Variants in APBB2 observed in about 807,000 individuals in gnomAD.
The protein encoded by APBB2 is amyloid beta precursor protein binding family B member 2.
Under a neutral mutation model 82.5 loss-of-function variants are expected in APBB2, and 38 were observed. That is an observed-to-expected ratio of 0.46 (90% CI 0.36 to 0.60). The LOEUF (loss-of-function observed/expected upper bound fraction) is 0.60. Ranked by LOEUF, APBB2 falls within the 20% of genes least tolerant of loss-of-function variation. The probability of loss-of-function intolerance (pLI) is 0.00; values close to 1 mark genes in which losing one functional copy is unlikely to be tolerated. For missense variants in APBB2, 772 were observed against 972.3 expected (o/e 0.79, Z 2.74); for synonymous variants, 341 against 368.2 (o/e 0.93, Z 0.85).
intron 12 of APBB2, among the ~76,000 whole-genome samples, chr4:40,873,830 G>T (rs1037411014): frequency 6.6e-6 from 1 of 152,100 alleles, no homozygotes; most frequent in Admixed American, 6.5e-5. Flanking sequence ...GAAAAAACCC[G>T]CAAAATACTC....
intron 4 of APBB2, among the ~76,000 whole-genome samples, chr4:41,060,288 C>G (rs1355796554): frequency 6.6e-6 from 1 of 152,164 alleles, no homozygotes; most frequent in Non-Finnish European, 1.5e-5. Flanking sequence ...TAAAGAGAAC[C>G]ATGTGTGTTG....
intron 12 of APBB2, among the ~76,000 whole-genome samples, chr4:40,888,225 T>C (rs1192434849): frequency 6.6e-6 from 1 of 152,252 alleles, no homozygotes; most frequent in Non-Finnish European, 1.5e-5. Flanking sequence ...GTGGTCCTTA[T>C]TATGATCCTC....
At chr4:41,101,470 CAAAAAAAA>C (rs150527764) in intron 2 of APBB2, among the ~76,000 whole-genome samples, 9 of 72,522 alleles carry the variant, frequency 1.2e-4, no homozygotes, top group South Asian at 8.1e-4. Context: ...GACTCCGTCT[CAAAAAAAA>C]AAAAAAAAAA....
chr4:41,029,595 C>G (rs947854067), intron 5 of APBB2, among the ~76,000 whole-genome samples: 1 of 152,172 alleles, frequency 6.6e-6, no homozygotes, highest in Non-Finnish European at 1.5e-5. Flanking sequence ...GTATCACATA[C>G]TTTTTAATAA....
At chr4:41,032,022 T>C (rs1419341321) in intron 5 of APBB2, among the ~76,000 whole-genome samples, 1 of 152,226 alleles carries the variant, frequency 6.6e-6, no homozygotes, top group East Asian at 1.9e-4. Flanking sequence ...AGTTTTTGGC[T>C]GTTTTTTATA....
At chr4:40,867,618 G>A (rs950495429) in intron 12 of APBB2, among the ~76,000 whole-genome samples, 7 of 152,058 alleles carry the variant, frequency 4.6e-5, no homozygotes, top group Middle Eastern at 3.2e-3. Context: ...ATTTTCATCC[G>A]CCTAAATTCT....
chr4:40,975,498 C>G (rs1250299082), intron 6 of APBB2, among the ~76,000 whole-genome samples: 1 of 152,126 alleles, frequency 6.6e-6, no homozygotes, highest in African/African-American at 2.4e-5. Flanking sequence ...AGAATTTCAG[C>G]TCCTTGAGGC....
At chr4:41,067,148 G>A (rs548475647) in intron 3 of APBB2, among the ~76,000 whole-genome samples, 46 of 152,312 alleles carry the variant, frequency 3.0e-4, no homozygotes, top group Non-Finnish European at 6.2e-4. Context: ...AGTGGCTCAC[G>A]CCTGTAATCC....
intron 12 of APBB2, among the ~76,000 whole-genome samples, chr4:40,865,213 C>A (rs1440768908): frequency 6.6e-6 from 1 of 152,132 alleles, no homozygotes; most frequent in Non-Finnish European, 1.5e-5. Context: ...GGCTTGCTCT[C>A]CCTGGAAAGC....
At chr4:40,816,292 T>C (rs755936257) in intron 17 of APBB2, 33 bp from the exon 18 acceptor site, 1 of 1,610,676 alleles carries the variant, frequency 6.2e-7, no homozygotes, top group Admixed American at 1.7e-5. Flanking sequence ...TTAAGGTAAT[T>C]AACAACATAT....
At chr4:41,104,191 A>G (rs996533737) in intron 2 of APBB2, among the ~76,000 whole-genome samples, 2 of 152,268 alleles carry the variant, frequency 1.3e-5, no homozygotes, top group African/African-American at 4.8e-5. Context: ...AGTTTTAAAT[A>G]GCAAGTAAGA....
At chr4:41,170,091 T>C (rs906300173) in intron 1 of APBB2, among the ~76,000 whole-genome samples, 5 of 152,204 alleles carry the variant, frequency 3.3e-5, no homozygotes, top group African/African-American at 1.2e-4. Flanking sequence ...TCCCAAGTCT[T>C]ACCAAGATGG....
chr4:41,116,142 G>A (rs975307301), intron 2 of APBB2, among the ~76,000 whole-genome samples: 5 of 152,144 alleles, frequency 3.3e-5, no homozygotes, highest in Admixed American at 3.3e-4. Context: ...ACATAAAAAA[G>A]GATGAGTTCA....
chr4:41,159,907 A>AAGGAGAAGGAGAAGGAGGAGGAGG lies in APBB2; in HGVS notation c.-416-16766_-416-16765insCCTCCTCCTCCTTCTCCTTCTCCT, dbSNP rs1267899128. ...AAAAAAAAAAAGGAAGAAGAAGGAG[A>AAGGAGAAGGAGAAGGAGGAGGAGG]AGGAGGAGGAGGAGGAGGAGGAGGA... On this transcript the variant is annotated intron_variant, in intron 1 of 17. Transcript: ENST00000508593. 1.7e-4 allele frequency among the ~76,000 whole-genome samples: 6 copies of AAGGAGAAGGAGAAGGAGGAGGAGG among 35,612 alleles called. 1 individual carries two copies. Among genetic ancestry groups the AAGGAGAAGGAGAAGGAGGAGGAGG allele is most frequent in the Non-Finnish European group, 2.0e-4 (4 of 20,228 alleles). The allele number at this position is 35,612 out of a possible 152,430, so 23.4% of individuals were successfully genotyped here. A position where few individuals can be genotyped will look rare whatever the true frequency, so the allele number is the denominator to read the frequency against.
At chr4:41,205,920 C>T (rs888845976) in intron 1 of APBB2, among the ~76,000 whole-genome samples, 1 of 152,136 alleles carries the variant, frequency 6.6e-6, no homozygotes, top group Non-Finnish European at 1.5e-5. Flanking sequence ...AATTGCAGAG[C>T]AGCACTGGGA....
intron 4 of APBB2, among the ~76,000 whole-genome samples, chr4:41,049,841 C>T (rs1725287409): frequency 6.6e-6 from 1 of 152,182 alleles, no homozygotes; most frequent in Non-Finnish European, 1.5e-5. Context: ...CTCTCTGAAA[C>T]ATGTGCTATG....
chr4:41,160,148 TC>T (rs749824334), intron 1 of APBB2, among the ~76,000 whole-genome samples: 238 of 152,126 alleles, frequency 1.6e-3, no homozygotes, highest in Non-Finnish European at 2.5e-3. Flanking sequence ...AATGCAGTGA[TC>T]CAGGGCCCAG....
chr4:41,165,268 A>C (rs1469796441), intron 1 of APBB2, among the ~76,000 whole-genome samples: 1 of 152,152 alleles, frequency 6.6e-6, no homozygotes, highest in African/African-American at 2.4e-5. Flanking sequence ...GGATGCTACA[A>C]GGACTATCTT....
At chr4:41,001,890 A>G (rs564518946) in intron 6 of APBB2, among the ~76,000 whole-genome samples, 2 of 150,996 alleles carry the variant, frequency 1.3e-5, no homozygotes, top group Admixed American at 1.3e-4. Context: ...AAAAAAAAAA[A>G]GAAAAAGAAA....
Sources: allele counts gnomAD v4.1 joint callset (sites outside exome capture counted in the v4.1 genomes callset), GRCh38; gene constraint gnomAD v4.1.1; transcripts MANE v1.5; gene names NCBI Gene and HGNC (gene_info 2026-07-23, HGNC 2026-07-21).